The following ADRA1B variants were observed in gnomAD, a reference collection of about 807,000 sequenced individuals.
ADRA1B encodes alpha-1B adrenergic receptor.
Under a neutral mutation model 17.9 loss-of-function variants are expected in ADRA1B, and 17 were observed. That is an observed-to-expected ratio of 0.95 (90% CI 0.65 to 1.42). The LOEUF is 1.42. ADRA1B is among the 40% of genes most tolerant of loss of function. The pLI is 0.00. For missense variants in ADRA1B, 681 were observed against 722.1 expected (o/e 0.94, Z 0.65); for synonymous variants, 366 against 327.6 (o/e 1.12, Z -1.27).
intron 1 of ADRA1B, among the ~76,000 whole-genome samples, chr5:159,930,022 G>C (rs921736936): frequency 2.6e-5 from 4 of 152,174 alleles, no homozygotes; most frequent in Non-Finnish European, 5.9e-5. Flanking sequence ...CAACAGCATA[G>C]CATATCTTAG....
intron 1 of ADRA1B, among the ~76,000 whole-genome samples, chr5:159,918,243 G>A (rs900290027): frequency 6.6e-6 from 1 of 152,228 alleles, no homozygotes; most frequent in Non-Finnish European, 1.5e-5. Flanking sequence ...AAAATAGTTT[G>A]TAGTTACTGC....
upstream of ADRA1B, among the ~76,000 whole-genome samples, chr5:159,912,099 C>G (rs1363709809): frequency 1.3e-5 from 2 of 152,196 alleles, no homozygotes; most frequent in Admixed American, 1.3e-4. Context: ...CTAGTAAGTG[C>G]TAACTCCTAA....
the ADRA1B span, among the ~76,000 whole-genome samples, chr5:159,983,534 C>T: frequency 6.6e-6 from 1 of 152,236 alleles, no homozygotes; most frequent in Non-Finnish European, 1.5e-5. Context: ...GCCAGACACG[C>T]TTAAGATACA....
chr5:159,964,707 C>T (rs1028846852), intron 1 of ADRA1B, among the ~76,000 whole-genome samples: 3 of 152,132 alleles, frequency 2.0e-5, no homozygotes, highest in South Asian at 2.1e-4. Context: ...TCAGGAACCA[C>T]GTGGAGACCA....
chr5:159,936,290 T>C (rs1488417983), intron 1 of ADRA1B, among the ~76,000 whole-genome samples: 1 of 152,206 alleles, frequency 6.6e-6, no homozygotes, highest in Non-Finnish European at 1.5e-5. Context: ...AAACCTGACA[T>C]CAAGCATTCT....
At chr5:159,895,081 C>G (rs2113109829) in intron 1 of ADRA1B, among the ~76,000 whole-genome samples, 1 of 152,306 alleles carries the variant, frequency 6.6e-6, no homozygotes, top group Admixed American at 6.5e-5. Context: ...AAATACACAG[C>G]TCTTCAATTT....
the ADRA1B span, among the ~76,000 whole-genome samples, chr5:159,981,400 G>A: frequency 6.6e-6 from 1 of 152,064 alleles, no homozygotes; most frequent in African/African-American, 2.4e-5. Context: ...ACCTCTGATG[G>A]ATAGACACGT....
At chr5:159,955,614 T>C (rs1463806343) in intron 1 of ADRA1B, among the ~76,000 whole-genome samples, 1 of 152,200 alleles carries the variant, frequency 6.6e-6, no homozygotes, top group Non-Finnish European at 1.5e-5. Flanking sequence ...GTTCATCTAC[T>C]GCTTAGGAAG....
At position 159,951,863 on chromosome 5, in the gene ADRA1B, C is replaced by G. The variant is rs140698022; in HGVS notation, c.950-20016C>G. ...TTTGAAAACTCACTCTTTGCTCTGT[C>G]CTCTCACTTTTGTTGCTGGCATTGC... On this transcript the variant is annotated intron_variant, in intron 1 of 1. Transcript: ENST00000306675. Among the ~76,000 whole-genome samples the G allele has an allele frequency of 1.5e-3, 226 of 152,266 alleles. 2 individuals carry two copies. The highest frequency in any genetic ancestry group is 5.2e-3 in the African/African-American group (217 of 41,558).
intron 1 of ADRA1B, among the ~76,000 whole-genome samples, chr5:159,968,290 C>T (rs889699298): frequency 6.6e-6 from 1 of 152,196 alleles, no homozygotes; most frequent in Non-Finnish European, 1.5e-5. Context: ...AGAGTTAGCA[C>T]AGGACCTGCA....
At chr5:159,988,014 G>T in the ADRA1B span, among the ~76,000 whole-genome samples, 2 of 152,292 alleles carry the variant, frequency 1.3e-5, no homozygotes, top group South Asian at 4.2e-4. Context: ...GGACTTTGCA[G>T]ATCTAATCAA....
chr5:159,947,646 A>G, intron 1 of ADRA1B: 3 of 926,718 alleles, frequency 3.2e-6, no homozygotes, highest in Non-Finnish European at 3.9e-6. Context: ...AAAGCTATTC[A>G]TAAATGAAAT....
chr5:159,910,250 A>G (rs1183709857), intron 1 of ADRA1B, among the ~76,000 whole-genome samples: 1 of 152,214 alleles, frequency 6.6e-6, no homozygotes, highest in African/African-American at 2.4e-5. Flanking sequence ...ATCTCAAGAA[A>G]TAGAAAGCAT....
chr5:159,916,777 C>A lies in ADRA1B; in HGVS notation c.-129C>A. ...GGGCTGGGCTGCCCGGGGGAGATGA[C>A]TCCTCGCCAGGAGGGCGCCTCTGGG... On this transcript the variant is annotated 5_prime_UTR_variant, in exon 1 of 2. Coordinates refer to ENST00000306675, the MANE Select transcript of ADRA1B (RefSeq NM_000679.4). 2 of 893,392 alleles carry A rather than the reference C, an allele frequency of 2.2e-6. No homozygotes were observed. The highest frequency in any genetic ancestry group is 3.4e-6 in the Non-Finnish European group (2 of 589,868). The allele number at this position is 893,392 out of a possible 1,614,324, so 55.3% of individuals were successfully genotyped here. A position where few individuals can be genotyped will look rare whatever the true frequency, so the allele number is the denominator to read the frequency against.
chr5:159,955,220 C>T (rs1483749491), intron 1 of ADRA1B: 12 of 984,616 alleles, frequency 1.2e-5, no homozygotes, highest in East Asian at 1.1e-4. Context: ...CTGAGGGCTG[C>T]GGGTGTCAAG....
At chr5:159,873,862 T>C (rs1295181637) in intron 1 of ADRA1B, among the ~76,000 whole-genome samples, 1 of 152,180 alleles carries the variant, frequency 6.6e-6, no homozygotes, top group African/African-American at 2.4e-5. Flanking sequence ...TTTTTTTTGA[T>C]GATGATCCAT....
At chr5:159,966,351 A>G (rs1480259450) in intron 1 of ADRA1B, among the ~76,000 whole-genome samples, 1 of 152,190 alleles carries the variant, frequency 6.6e-6, no homozygotes, top group African/African-American at 2.4e-5. Context: ...ACCTTGCTTA[A>G]TCCTCACAAC....
chr5:159,979,800 G>C, the ADRA1B span, among the ~76,000 whole-genome samples: 2 of 151,980 alleles, frequency 1.3e-5, no homozygotes, highest in Middle Eastern at 3.4e-3. Context: ...CCTGGGAGAA[G>C]AAAGTTGCAG....
chr5:159,883,183 G>A (rs1220632988), intron 1 of ADRA1B, among the ~76,000 whole-genome samples: 2 of 152,028 alleles, frequency 1.3e-5, no homozygotes, highest in Non-Finnish European at 2.9e-5. Context: ...TTCCAACTTG[G>A]TTTTTATCAT....
Sources: allele counts gnomAD v4.1 joint callset (sites outside exome capture counted in the v4.1 genomes callset), GRCh38; gene constraint gnomAD v4.1.1; transcripts MANE v1.5; gene names NCBI Gene and HGNC (gene_info 2026-07-23, HGNC 2026-07-21).